Variants in FOCAD observed in about 807,000 individuals in gnomAD.
FOCAD encodes KIAA1797.
A neutral mutation model predicts 225.6 loss-of-function variants in FOCAD; 198 were observed. The ratio of observed to expected loss-of-function variants is 0.88; its 90% CI spans 0.78 to 0.99. The LOEUF (loss-of-function observed/expected upper bound fraction) is 0.99, where lower values mean the gene tolerates loss of function less well. Among genes scored for constraint, FOCAD ranks in the 50% least tolerant of loss-of-function variants. The pLI is 0.00. For missense variants in FOCAD, 2,713 were observed against 2,123.6 expected, an observed-to-expected ratio of 1.28 and a Z score of -5.46; for synonymous variants, 897 against 755.0, an observed-to-expected ratio of 1.19 and a Z score of -3.08.
At chr9:20,720,304 G>A (rs1825670759) in intron 3 of FOCAD, 76 bp from the exon 4 acceptor site, 1 of 1,433,690 alleles carries the variant, frequency 7.0e-7, no homozygotes, top group Non-Finnish European at 9.7e-7. Flanking sequence ...ATTACTCATT[G>A]ATGAATGACC....
intron 15 of FOCAD, among the ~76,000 whole-genome samples, chr9:20,840,780 G>T (rs1397845489): frequency 6.6e-6 from 1 of 151,872 alleles, no homozygotes; most frequent in Non-Finnish European, 1.5e-5. Context: ...GTGAAAATGG[G>T]CATCCTTAGT....
At position 20,770,055 on chromosome 9, in the gene FOCAD, A is replaced by G. The variant is rs780228974; in HGVS notation, c.723A>G (p.Thr241=). The G allele has an allele frequency of 6.2e-7, 1 of 1,614,082 alleles. No homozygotes were observed. The highest frequency in any genetic ancestry group is 1.1e-5 in the South Asian group (1 of 91,084). ...AGGTAAAAGATTTGATACAGACAAC[A>G]GAGGCGATGATGTTTATTGAGGAAG... ...CLQVKDLIQT[T]EAMMFIEEVC... The change falls in exon 8 of 44, where the codon ACA becomes ACG. Residue 241 remains threonine (T), a synonymous_variant. Transcript: ENST00000338382.
chr9:20,766,068 T>C (rs1343652397), intron 7 of FOCAD, among the ~76,000 whole-genome samples: 2 of 152,160 alleles, frequency 1.3e-5, no homozygotes, highest in South Asian at 2.1e-4. Flanking sequence ...AATAAAGCAA[T>C]GTATAGGCAG....
intron 10 of FOCAD, 79 bp downstream of exon 10, chr9:20,782,008 A>T (rs1005326622): frequency 1.6e-6 from 2 of 1,226,552 alleles, no homozygotes; most frequent in African/African-American, 3.0e-5. Flanking sequence ...TTGCCTCCTG[A>T]TGAAGCATCT....
chr9:20,989,252 G>A (rs573533279), intron 41 of FOCAD, among the ~76,000 whole-genome samples: 2 of 152,248 alleles, frequency 1.3e-5, no homozygotes, highest in Admixed American at 1.3e-4. Context: ...TAATTTGTGA[G>A]TTTAGGAATT....
intron 5 of FOCAD, among the ~76,000 whole-genome samples, chr9:20,741,484 CAA>C (rs2131670020): frequency 6.6e-6 from 1 of 151,998 alleles, no homozygotes; most frequent in African/African-American, 2.4e-5. Flanking sequence ...TTTTTTTAAA[CAA>C]AGTCATATTT....
intron 5 of FOCAD, 80 bp downstream of exon 5, chr9:20,740,420 A>G (rs1039955734): frequency 1.2e-6 from 1 of 815,004 alleles, no homozygotes; most frequent in South Asian, 1.8e-5. Flanking sequence ...TAATCCAGTA[A>G]GAATTAGTTA....
chr9:20,986,810 G>A (rs191792343), intron 40 of FOCAD, among the ~76,000 whole-genome samples: 1 of 152,070 alleles, frequency 6.6e-6, no homozygotes, highest in Non-Finnish European at 1.5e-5. Flanking sequence ...CATGAAAATG[G>A]CTTTTGGGTA....
chr9:20,872,357 T>A (rs115709843), intron 18 of FOCAD, among the ~76,000 whole-genome samples: 2 of 152,268 alleles, frequency 1.3e-5, no homozygotes, highest in Non-Finnish European at 2.9e-5. Flanking sequence ...GATAGGAGGA[T>A]AGGATAAAAG....
chr9:20,663,782 C>T (rs12335954), intron 2 of FOCAD, among the ~76,000 whole-genome samples: 4,446 of 152,266 alleles, frequency 0.029, 222 homozygotes, highest in African/African-American at 0.1. Context: ...CTGCATTTTC[C>T]ATTTCTCTAA....
chr9:20,878,339 G>C (rs998999890), intron 19 of FOCAD, among the ~76,000 whole-genome samples: 12 of 152,162 alleles, frequency 7.9e-5, no homozygotes, highest in Non-Finnish European at 1.3e-4. Context: ...TTCAAAATGT[G>C]AACTGTACTT....
At chr9:20,697,855 C>T (rs1245721795) in intron 1 of FOCAD, among the ~76,000 whole-genome samples, 1 of 152,218 alleles carries the variant, frequency 6.6e-6, no homozygotes, top group African/African-American at 2.4e-5. Flanking sequence ...ATGTTTTTCT[C>T]AGGTGCAGAT....
At chr9:20,970,308 A>G (rs1000245905) in intron 35 of FOCAD, among the ~76,000 whole-genome samples, 5 of 151,966 alleles carry the variant, frequency 3.3e-5, no homozygotes, top group Non-Finnish European at 7.4e-5. Flanking sequence ...TTTCTCTCCT[A>G]TCCTTCTGAG....
intron 19 of FOCAD, chr9:20,875,958 G>C (rs1019087659): frequency 2.6e-5 from 4 of 152,102 alleles, no homozygotes; most frequent in African/African-American, 9.7e-5. Flanking sequence ...AAACAAGAAA[G>C]GTCATGTTAT....
intron 34 of FOCAD, among the ~76,000 whole-genome samples, chr9:20,951,387 G>A (rs1837672989): frequency 6.6e-6 from 1 of 152,126 alleles, no homozygotes; most frequent in Non-Finnish European, 1.5e-5. Flanking sequence ...TAGACATTCA[G>A]TGTCCTGTAT....
chr9:20,893,220 T>C (rs1387188113), intron 21 of FOCAD, among the ~76,000 whole-genome samples: 2 of 152,150 alleles, frequency 1.3e-5, no homozygotes, highest in Non-Finnish European at 2.9e-5. Context: ...CTAAGGTATG[T>C]ACATTGTTTT....
chr9:20,724,859 G>A (rs1359623525), intron 4 of FOCAD, among the ~76,000 whole-genome samples: 2 of 152,126 alleles, frequency 1.3e-5, no homozygotes, highest in Non-Finnish European at 2.9e-5. Flanking sequence ...AAAACCATCT[G>A]TGTCTTTGGG....
chr9:20,857,777 T>TC (rs1365137000), intron 15 of FOCAD, among the ~76,000 whole-genome samples: 1 of 76,582 alleles, frequency 1.3e-5, no homozygotes. Flanking sequence ...CAGTTTTTTT[T>TC]TTTTTGAGTT....
chr9:20,825,271 A>C (rs1390337505), intron 15 of FOCAD, among the ~76,000 whole-genome samples: 3 of 151,874 alleles, frequency 2.0e-5, no homozygotes. Context: ...TTGCCAGGCC[A>C]CATTTACTAA....
Sources: allele counts gnomAD v4.1 joint callset (sites outside exome capture counted in the v4.1 genomes callset), GRCh38; gene constraint gnomAD v4.1.1; transcripts MANE v1.5; gene names NCBI Gene and HGNC (gene_info 2026-07-23, HGNC 2026-07-21).